ZNF644: variants seen among roughly 807,000 people sequenced by gnomAD.
ZNF644 encodes the protein zinc finger motif enhancer binding protein 2.
A neutral mutation model predicts 108.0 loss-of-function variants in ZNF644; 20 were observed. That is an observed-to-expected ratio of 0.19 (90% CI 0.13 to 0.27). The LOEUF (loss-of-function observed/expected upper bound fraction) is 0.27. Ranked by LOEUF, ZNF644 falls within the 10% of genes least tolerant of loss-of-function variation. The pLI, the probability that ZNF644 is intolerant of heterozygous loss-of-function variation, is 1.00. For synonymous variants in ZNF644, 542 were observed against 539.1 expected, an observed-to-expected ratio of 1.01 and a Z score of -0.08; for missense variants, 1,338 against 1,548.9, an observed-to-expected ratio of 0.86 and a Z score of 2.29.
At chr1:90,944,109 T>A (rs1012089471) in intron 2 of ZNF644, among the ~76,000 whole-genome samples, 1 of 152,214 alleles carries the variant, frequency 6.6e-6, no homozygotes, top group East Asian at 1.9e-4. Context: ...GGCTTCACTG[T>A]TACCACCTCA....
chr1:90,989,290 T>C (rs1342612103), intron 1 of ZNF644, among the ~76,000 whole-genome samples: 1 of 152,204 alleles, frequency 6.6e-6, no homozygotes, highest in African/African-American at 2.4e-5. Context: ...GGCTCATGAC[T>C]GTAATCCCAG....
At chr1:90,989,149 T>C (rs1412682697) in intron 1 of ZNF644, among the ~76,000 whole-genome samples, 1 of 152,124 alleles carries the variant, frequency 6.6e-6, no homozygotes, top group Non-Finnish European at 1.5e-5. Flanking sequence ...ATCCAAAATA[T>C]GTAATATAAT....
rs139284038 is a variant in ZNF644, at chr1:90,937,773, T to C, written c.3400A>G (p.Thr1134Ala). ...PLEAYRNGLK[T>A]EALSVSASEE... is the part of the protein sequence containing the mutation. ...GATGCAGACACTGACAGAGCTTCAGTCTTTAGGCCATTACGGTATGCTTCA... is the reference window on the plus strand; with the variant it reads ...GATGCAGACACTGACAGAGCTTCAGCCTTTAGGCCATTACGGTATGCTTCA... The change falls in exon 4 of 6, where the codon ACT (threonine) becomes GCT (alanine). Residue 1134 changes from threonine (T) to alanine (A), a missense_variant. Coordinates refer to ENST00000337393, the MANE Select transcript of ZNF644 (RefSeq NM_201269.3). 1.4e-5 allele frequency: 22 copies of C among 1,613,776 alleles called. No individual in the cohort carries two copies. Among genetic ancestry groups the C allele is most frequent in the Admixed American group, 5.0e-5 (3 of 59,984 alleles).
At chr1:91,016,569 C>T (rs1313434558) in intron 1 of ZNF644, among the ~76,000 whole-genome samples, 3 of 152,150 alleles carry the variant, frequency 2.0e-5, no homozygotes, top group Non-Finnish European at 2.9e-5. Flanking sequence ...ATGGGACCAC[C>T]ATCGTAAATG....
chr1:90,999,373 G>A (rs1238826639), intron 1 of ZNF644, among the ~76,000 whole-genome samples: 1 of 152,222 alleles, frequency 6.6e-6, no homozygotes, highest in Non-Finnish European at 1.5e-5. Flanking sequence ...CCAGAAGAGA[G>A]TGGTGGCAAA....
At chr1:91,016,733 T>C (rs1362424193) in intron 1 of ZNF644, among the ~76,000 whole-genome samples, 1 of 152,236 alleles carries the variant, frequency 6.6e-6, no homozygotes, top group Non-Finnish European at 1.5e-5. Flanking sequence ...TAAACATGCT[T>C]TGTAAAGTGT....
chr1:90,946,379 T>C (rs908302640), intron 2 of ZNF644, among the ~76,000 whole-genome samples: 1 of 152,052 alleles, frequency 6.6e-6, no homozygotes, highest in Admixed American at 6.6e-5. Context: ...GTTCAGAAGG[T>C]TAGACTGCTT....
chr1:90,965,937 G>T (rs1654821517), intron 2 of ZNF644, among the ~76,000 whole-genome samples: 1 of 152,106 alleles, frequency 6.6e-6, no homozygotes, highest in African/African-American at 2.4e-5. Flanking sequence ...TTTTAGTAGA[G>T]ACGGGGTTTC....
At chr1:90,969,109 C>T (rs945913647) in intron 2 of ZNF644, among the ~76,000 whole-genome samples, 1 of 152,118 alleles carries the variant, frequency 6.6e-6, no homozygotes, top group African/African-American at 2.4e-5. Context: ...ATTGTGTTCC[C>T]CCCAAAATTC....
chr1:90,940,077 T>C lies in ZNF644; in HGVS notation c.1277A>G (p.His426Arg). The C allele has an allele frequency of 6.2e-7, 1 of 1,614,126 alleles. No homozygotes were observed. The change falls in exon 3 of 6, where the codon CAC becomes CGC. Residue 426 changes from histidine (H) to arginine (R), a missense_variant. Transcript: ENST00000337393. ...NVNFREKKHLHRHMMYHLDGN... is the reference protein window; with the variant it reads ...NVNFREKKHLRRHMMYHLDGN... Reference sequence around the variant, plus strand: ...ATCTAAATGATACATCATATGCCTGTGGAGGTGCTTCTTCTCCCTAAAATT... The same window carrying C: ...ATCTAAATGATACATCATATGCCTGCGGAGGTGCTTCTTCTCCCTAAAATT...
intron 2 of ZNF644, among the ~76,000 whole-genome samples, chr1:90,962,030 A>G (rs1466030855): frequency 6.6e-6 from 1 of 152,112 alleles, no homozygotes; most frequent in Non-Finnish European, 1.5e-5. Flanking sequence ...AAGTTATTTT[A>G]AAAAGTTCAA....
chr1:91,012,785 T>C (rs1219955643), intron 1 of ZNF644, among the ~76,000 whole-genome samples: 1 of 152,204 alleles, frequency 6.6e-6, no homozygotes, highest in African/African-American at 2.4e-5. Flanking sequence ...TATACTTATA[T>C]GTATAAATTC....
intron 2 of ZNF644, among the ~76,000 whole-genome samples, chr1:90,968,032 G>C (rs1363356468): frequency 7.8e-6 from 1 of 127,950 alleles, no homozygotes; most frequent in Non-Finnish European, 1.6e-5. Context: ...CTGCATTCCA[G>C]CCTGGGTGAC....
chr1:91,002,097 T>A (rs1359307922), intron 1 of ZNF644, among the ~76,000 whole-genome samples: 1 of 152,128 alleles, frequency 6.6e-6, no homozygotes, highest in Non-Finnish European at 1.5e-5. Context: ...AAAATGGCCA[T>A]ACTGCCCAAG....
chr1:90,933,217 C>T (rs1406605133), intron 4 of ZNF644, among the ~76,000 whole-genome samples: 1 of 152,024 alleles, frequency 6.6e-6, no homozygotes, highest in Non-Finnish European at 1.5e-5. Context: ...GATATCTTGC[C>T]TTATTGGATA....
intron 4 of ZNF644, 50 bp from the exon 5 acceptor site, chr1:90,918,204 T>C (rs1436578948): frequency 3.3e-5 from 48 of 1,456,904 alleles, no homozygotes; most frequent in Non-Finnish European, 4.5e-5. Context: ...TTTCAAAATA[T>C]ACATACACAC....
intron 4 of ZNF644, among the ~76,000 whole-genome samples, chr1:90,919,659 G>T (rs1251559850): frequency 6.6e-6 from 1 of 151,894 alleles, no homozygotes; most frequent in African/African-American, 2.4e-5. Flanking sequence ...TTAAAGAATG[G>T]GTAATTCAAA....
At chr1:90,953,784 C>T (rs1653444756) in intron 2 of ZNF644, among the ~76,000 whole-genome samples, 1 of 151,836 alleles carries the variant, frequency 6.6e-6, no homozygotes, top group African/African-American at 2.4e-5. Context: ...GGTGTGGTGG[C>T]AGGCGCATGT....
chr1:90,954,392 G>C (rs1468946129), intron 2 of ZNF644, among the ~76,000 whole-genome samples: 2 of 151,470 alleles, frequency 1.3e-5, no homozygotes, highest in East Asian at 3.9e-4. Flanking sequence ...CAGCAATTCA[G>C]TTACATCTTC....
Sources: allele counts gnomAD v4.1 joint callset (sites outside exome capture counted in the v4.1 genomes callset), GRCh38; gene constraint gnomAD v4.1.1; transcripts MANE v1.5; gene names NCBI Gene and HGNC (gene_info 2026-07-23, HGNC 2026-07-21).